Variants in DST observed in about 807,000 individuals in gnomAD.
The protein encoded by DST is dystonin.
Under a neutral mutation model 875.2 loss-of-function variants are expected in DST, and 253 were observed. That is an observed-to-expected ratio of 0.29 (90% CI 0.26 to 0.32). DST has a LOEUF of 0.32. Ranked by LOEUF, DST falls within the 10% of genes least tolerant of loss-of-function variation. The pLI is 1.00. For synonymous variants in DST, 3,124 were observed against 3,197.1 expected (o/e 0.98, Z 0.77); for missense variants, 8,287 against 9,111.6 (o/e 0.91, Z 3.68).
At position 56,517,996 on chromosome 6, in the gene DST, C is replaced by T. The variant is rs1004875591; in HGVS notation, c.18130-376G>A. Among the ~76,000 whole-genome samples the T allele has an allele frequency of 5.3e-5, 8 of 152,210 alleles. No individual in the cohort carries two copies. In the South Asian group the frequency reaches 1.0e-3, roughly 20 times the overall value. On this transcript the variant is annotated intron_variant, in intron 69 of 103. Coordinates refer to ENST00000680361, the MANE Select transcript of DST (RefSeq NM_001374736.1). ...AATCATTTCACCCATCACTTCAACT[C>T]CTATGATATGCAACTAACATTCTGC...
intron 2 of DST, among the ~76,000 whole-genome samples, chr6:56,902,768 G>A (rs1464102967): frequency 6.6e-6 from 1 of 152,192 alleles, no homozygotes; most frequent in Admixed American, 6.5e-5. Context: ...AGCAGCTGCT[G>A]GAGAAGAGGA....
chr6:56,636,447 T>C lies in DST; in HGVS notation c.3060+110A>G, dbSNP rs2098827723. 5.0e-6 allele frequency: 4 copies of C among 794,988 alleles called. No homozygotes were observed. The African/African-American group carries it at 5.1e-5, about 10-fold the overall frequency. 49.2% of individuals were successfully genotyped at this position (794,988 alleles called of 1,614,324 possible). On this transcript the variant is annotated intron_variant, in intron 23 of 103. Transcript: ENST00000680361. ...ATGTGTATATATATATGTGTGTATA[T>C]ATATACACAGAAACACATTGTTATC...
At position 56,607,999 on chromosome 6, in the gene DST, T is replaced by C. The variant is rs1304437979; in HGVS notation, c.6629A>G (p.Tyr2210Cys). The C allele has an allele frequency of 2.5e-6, 4 of 1,613,284 alleles. No individual in the cohort carries two copies. The highest frequency in any genetic ancestry group is 1.3e-5 in the African/African-American group (1 of 74,902). Residue 2210 changes from tyrosine (Y) to cysteine (C), a missense_variant, in exon 40 of 104, where the codon TAT (tyrosine) becomes TGT (cysteine). Tyr to Cys is a radical substitution (Grantham distance 194). This residue lies in a region of DST where 3,138 missense variants were observed against 3,116.6 expected (regional missense o/e 1.01). Transcript: ENST00000680361. ...LFLSYLMINS[Y>C]MDANTGQRLL... is the part of the protein sequence containing the mutation. ...CCTTTGCCCTGTGTTTGCATCCATA[T>C]AGCTATTTATCATTAAATAAGATAG...
rs200436819 is a variant in DST, at chr6:56,633,059, T to A, written c.3622-22A>T. ...TTATCTAAAGAAGACCAAAGACCCA[T>A]GTAATTCATTCTATTACTCATAGAT... On this transcript the variant is annotated intron_variant, in intron 27 of 103. Coordinates refer to ENST00000680361, the MANE Select transcript of DST (RefSeq NM_001374736.1). The A allele has an allele frequency of 8.7e-6, 14 of 1,606,152 alleles. No homozygotes were observed. In the African/African-American group the frequency reaches 1.9e-4, roughly 21 times the overall value.
rs796067109 is a variant in DST at position 56,563,097 on chromosome 6, T to A, written c.14006-897A>T. Among the ~76,000 whole-genome samples, 6 of 152,330 alleles carry A rather than the reference T, an allele frequency of 3.9e-5. No homozygotes were observed. The South Asian group carries it at 1.0e-3, about 26-fold the overall frequency. On this transcript the variant is annotated intron_variant, in intron 55 of 103. Transcript: ENST00000680361. ...AATGATTTATAGTCCTTTGGATATA[T>A]ACCCAGTAATAGGATTGCTGGGTCA...
intron 3 of DST, among the ~76,000 whole-genome samples, chr6:56,875,141 G>A (rs1276496057): frequency 1.3e-5 from 2 of 151,990 alleles, no homozygotes; most frequent in Non-Finnish European, 2.9e-5. Context: ...CCGCCACCAC[G>A]CCCGGCTAAT....
At chr6:56,545,190 G>A (rs1362699881) in intron 61 of DST, among the ~76,000 whole-genome samples, 15 of 151,830 alleles carry the variant, frequency 9.9e-5, no homozygotes, top group Admixed American at 9.8e-4. Flanking sequence ...TTTTTGTGGA[G>A]ATGGGGTCTC....
rs755630987 is a variant in DST at position 56,460,174 on chromosome 6, G to C, written c.23151C>G (p.Gly7717=). ...CTCTGGCAGCTGCAGTTGTTATCAA[G>C]CCACTGTCCTCCCCAGAGTGGAAGC... ...GKGFHSGEDS[G]LITTAAARVR... The change falls in exon 103 of 104, where the codon GGC becomes GGG. Residue 7717 remains glycine (G), a synonymous_variant. Coordinates refer to ENST00000680361, the MANE Select transcript of DST (RefSeq NM_001374736.1). 3.7e-6 allele frequency: 6 copies of C among 1,613,734 alleles called. No homozygotes were observed. In the African/African-American group the frequency reaches 8.0e-5, roughly 22 times the overall value.
chr6:56,791,779 C>A (rs1254909589), intron 4 of DST, among the ~76,000 whole-genome samples: 1 of 146,784 alleles, frequency 6.8e-6, no homozygotes. Flanking sequence ...CAGAGTGAGA[C>A]CCTGTCTCAA....
At chr6:56,740,172 T>A (rs934582609) in intron 4 of DST, among the ~76,000 whole-genome samples, 43 of 152,164 alleles carry the variant, frequency 2.8e-4, no homozygotes, top group African/African-American at 9.9e-4. Flanking sequence ...CTGGCCTACT[T>A]TCTTAATAAA....
intron 8 of DST, among the ~76,000 whole-genome samples, 200 bp from the exon 9 acceptor site, chr6:56,699,945 C>G (rs2099287773): frequency 6.6e-6 from 1 of 152,182 alleles, no homozygotes; most frequent in African/African-American, 2.4e-5. Flanking sequence ...AAAGAAAGAG[C>G]AAGTATTATT....
At chr6:56,768,930 A>G (rs2099641856) in intron 4 of DST, among the ~76,000 whole-genome samples, 1 of 152,136 alleles carries the variant, frequency 6.6e-6, no homozygotes, top group South Asian at 2.1e-4. Context: ...TTAGCAGGGC[A>G]TAGTGGAACC....
intron 9 of DST, among the ~76,000 whole-genome samples, chr6:56,676,460 A>T (rs1164871626): frequency 6.6e-6 from 1 of 152,206 alleles, no homozygotes; most frequent in Non-Finnish European, 1.5e-5. Flanking sequence ...AAAACAGTAT[A>T]GAGGTGCCCA....
intron 2 of DST, among the ~76,000 whole-genome samples, chr6:56,926,683 A>C (rs1028374394): frequency 2.6e-5 from 4 of 152,210 alleles, no homozygotes; most frequent in Non-Finnish European, 5.9e-5. Context: ...CTCACACTAA[A>C]GGTAGTTAAG....
intron 93 of DST, 101 bp downstream of exon 93, chr6:56,473,772 A>G: frequency 8.9e-7 from 1 of 1,118,458 alleles, no homozygotes; most frequent in Non-Finnish European, 1.3e-6. Context: ...TCAAGTGCTC[A>G]TGTAAAATCA....
rs902946021 is a variant in DST, at chr6:56,678,600, G to A, written c.1048-7793C>T. On this transcript the variant is annotated intron_variant, in intron 9 of 103. Transcript: ENST00000680361. ...GGACAGGGTGGGCTGTGGGAGACCA[G>A]AAGATGCCATGTCAAAATAAAAGCT... 3.9e-5 allele frequency among the ~76,000 whole-genome samples: 6 copies of A among 152,190 alleles called. No homozygotes were observed. In the East Asian group the frequency reaches 1.2e-3, roughly 29 times the overall value.
chr6:56,673,365 C>T lies in DST; in HGVS notation c.1048-2558G>A, dbSNP rs144862242. Among the ~76,000 whole-genome samples, 471 of 152,276 alleles carry T rather than the reference C, an allele frequency of 3.1e-3. 1 individual carries two copies. The highest frequency in any genetic ancestry group is 0.011 in the African/African-American group (438 of 41,560). ...AATCAACTGTTTTGGGGAACCCTTA[C>T]AATTCAAGAGCCACCTAGATAGTAT... On this transcript the variant is annotated intron_variant, in intron 9 of 103. Coordinates refer to ENST00000680361, the MANE Select transcript of DST (RefSeq NM_001374736.1).
chr6:56,600,063 T>C lies in DST; in HGVS notation c.11694+6A>G. On this transcript the variant is annotated splice_donor_region_variant and intron_variant, in intron 45 of 103. Transcript: ENST00000680361. ...ATAGATCTGCTGATAGAAAACCAAA[T>C]TCTACCTCTTGCTTGGACTGATATT... 6.2e-7 allele frequency: 1 copy of C among 1,609,340 alleles called. No individual in the cohort carries two copies. The highest frequency in any genetic ancestry group is 2.2e-5 in the East Asian group (1 of 44,832).
intron 9 of DST, among the ~76,000 whole-genome samples, chr6:56,688,116 CT>C (rs1419945862): frequency 1.3e-5 from 2 of 152,126 alleles, no homozygotes; most frequent in Non-Finnish European, 2.9e-5. Flanking sequence ...TACAATTATT[CT>C]AAAACTATAT....
Sources: allele counts gnomAD v4.1 joint callset (sites outside exome capture counted in the v4.1 genomes callset), GRCh38; gene constraint gnomAD v4.1.1; regional missense constraint gnomAD v4.1.1; transcripts MANE v1.5; gene names NCBI Gene and HGNC (gene_info 2026-07-23, HGNC 2026-07-21).